DPYD: variants seen among roughly 807,000 people sequenced by gnomAD.
DPYD encodes dihydropyrimidine dehydrogenase.
Under a neutral mutation model 116.2 loss-of-function variants are expected in DPYD, and 109 were observed. The ratio of observed to expected loss-of-function variants is 0.94; its 90% CI spans 0.80 to 1.10. DPYD has a LOEUF of 1.10. Among genes scored for constraint, DPYD ranks in the 50% least tolerant of loss-of-function variants. The pLI is 0.00. For synonymous variants in DPYD, 440 were observed against 432.0 expected (o/e 1.02, Z -0.23); for missense variants, 1,302 against 1,254.5 (o/e 1.04, Z -0.57).
At chr1:97,780,890 T>C (rs1666704480) in intron 3 of DPYD, among the ~76,000 whole-genome samples, 1 of 152,160 alleles carries the variant, frequency 6.6e-6, no homozygotes, top group Non-Finnish European at 1.5e-5. Context: ...AAAGACAATA[T>C]CATATTTTTA....
At chr1:97,433,582 G>A (rs1675300187) in intron 14 of DPYD, among the ~76,000 whole-genome samples, 1 of 152,090 alleles carries the variant, frequency 6.6e-6, no homozygotes, top group Non-Finnish European at 1.5e-5. Context: ...GGTTATTAGG[G>A]TAGGAGTAAT....
chr1:97,101,471 A>G (rs1650683862), intron 20 of DPYD, among the ~76,000 whole-genome samples: 1 of 9,160 alleles, frequency 1.1e-4, no homozygotes. Context: ...TGATCTTGCA[A>G]AAAAAAAAAA....
At chr1:97,738,530 A>G (rs1192080676) in intron 4 of DPYD, among the ~76,000 whole-genome samples, 1 of 152,130 alleles carries the variant, frequency 6.6e-6, no homozygotes, top group Admixed American at 6.6e-5. Flanking sequence ...CTCAACCTGG[A>G]AAGAACACCC....
chr1:97,344,003 A>T (rs1570563762), intron 16 of DPYD, among the ~76,000 whole-genome samples: 1 of 151,898 alleles, frequency 6.6e-6, no homozygotes, highest in African/African-American at 2.4e-5. Flanking sequence ...CTTATTTTTT[A>T]AAAAATTACA....
At chr1:97,472,598 C>G (rs1677724699) in intron 13 of DPYD, among the ~76,000 whole-genome samples, 1 of 152,206 alleles carries the variant, frequency 6.6e-6, no homozygotes, top group Non-Finnish European at 1.5e-5. Flanking sequence ...TTGGGGAATA[C>G]AGTAAGCAGA....
intron 19 of DPYD, among the ~76,000 whole-genome samples, chr1:97,202,326 T>C (rs1461557377): frequency 6.6e-6 from 1 of 152,152 alleles, no homozygotes; most frequent in African/African-American, 2.4e-5. Flanking sequence ...TCTGAAACGA[T>C]AAATTCTCTG....
chr1:97,813,927 C>G lies in DPYD; in HGVS notation c.233+14187G>C, dbSNP rs1006090342. On this transcript the variant is annotated intron_variant, in intron 3 of 22. Coordinates refer to ENST00000370192, the MANE Select transcript of DPYD (RefSeq NM_000110.4). The stretch of plus-strand genomic sequence containing the variant: ...TAGGAAACACACAGACACACACACA[C>G]ACACACACACACACACACACACACA... 1.1e-4 allele frequency among the ~76,000 whole-genome samples: 16 copies of G among 151,288 alleles called. No individual in the cohort carries two copies. The East Asian group carries it at 2.5e-3, about 24-fold the overall frequency.
At chr1:97,112,755 A>T (rs1261208400) in intron 20 of DPYD, among the ~76,000 whole-genome samples, 1 of 152,144 alleles carries the variant, frequency 6.6e-6, no homozygotes, top group Non-Finnish European at 1.5e-5. Flanking sequence ...AAAAGAAATT[A>T]AAACATTGGC....
At position 97,230,720 on chromosome 1, in the gene DPYD, C is replaced by T. The variant is rs913747850; in HGVS notation, c.2442+4132G>A. Reference sequence around the variant, plus strand: ...TGAGAGCTAAAAGGCTGCAATGTGGCGTGGGTCTAAGGGTCATGACAGCCA... The same window carrying T: ...TGAGAGCTAAAAGGCTGCAATGTGGTGTGGGTCTAAGGGTCATGACAGCCA... On this transcript the variant is annotated intron_variant, in intron 19 of 22. Transcript: ENST00000370192. Among the ~76,000 whole-genome samples, 6 of 152,098 alleles carry T rather than the reference C, an allele frequency of 3.9e-5. No homozygotes were observed. The South Asian group carries it at 8.3e-4, about 21-fold the overall frequency.
chr1:97,260,089 A>T (rs1173985793), intron 18 of DPYD, among the ~76,000 whole-genome samples: 1 of 152,170 alleles, frequency 6.6e-6, no homozygotes, highest in Non-Finnish European at 1.5e-5. Flanking sequence ...GCTGTAGGTT[A>T]TAAGATTGCT....
chr1:97,759,214 G>T (rs1665438272), intron 3 of DPYD, among the ~76,000 whole-genome samples: 2 of 152,114 alleles, frequency 1.3e-5, no homozygotes, highest in South Asian at 4.1e-4. Flanking sequence ...TGCTGCATTG[G>T]TGTTCAGAAA....
chr1:97,842,140 A>C (rs1221484968), intron 2 of DPYD, among the ~76,000 whole-genome samples: 1 of 152,012 alleles, frequency 6.6e-6, no homozygotes, highest in South Asian at 2.1e-4. Context: ...TAAAATTCTT[A>C]AAAACTGACT....
rs1662809849 is a variant in DPYD, at chr1:97,719,590, GA to G, written c.483+1919del. Among the ~76,000 whole-genome samples, 4 of 151,764 alleles carry G rather than the reference GA, an allele frequency of 2.6e-5. No homozygotes were observed. The Admixed American group carries it at 2.6e-4, about 10-fold the overall frequency. On this transcript the variant is annotated intron_variant, in intron 5 of 22. Transcript: ENST00000370192. ...TTTCGCATTTTGTACTTTTTTCCGT[GA>G]ATATCAGTGAAAACGGAGTTACTCG...
chr1:97,167,057 A>C (rs1656378402), intron 20 of DPYD, among the ~76,000 whole-genome samples: 1 of 152,162 alleles, frequency 6.6e-6, no homozygotes, highest in Non-Finnish European at 1.5e-5. Flanking sequence ...TTAGATTTAT[A>C]AAAAATATGA....
chr1:97,648,920 C>A (rs574853878), intron 8 of DPYD, among the ~76,000 whole-genome samples: 1 of 152,134 alleles, frequency 6.6e-6, no homozygotes, highest in Admixed American at 6.6e-5. Flanking sequence ...AGAAGATCCT[C>A]TATAGACCCT....
chr1:97,185,761 G>A (rs890434677), intron 20 of DPYD, among the ~76,000 whole-genome samples: 5 of 152,084 alleles, frequency 3.3e-5, no homozygotes, highest in Non-Finnish European at 7.4e-5. Flanking sequence ...TAAAAAACAT[G>A]AACAAACTAA....
rs552555286 is a variant in DPYD at position 97,704,417 on chromosome 1, A to C, written c.484-4870T>G. Reference sequence around the variant, plus strand: ...AAACTGCCAATGAATAGATTGTGTAAGTTAAAAAAAAGAGGGTTAACTTAA... The same window carrying C: ...AAACTGCCAATGAATAGATTGTGTACGTTAAAAAAAAGAGGGTTAACTTAA... On this transcript the variant is annotated intron_variant, in intron 5 of 22. Transcript: ENST00000370192. Among the ~76,000 whole-genome samples, 69 of 152,164 alleles carry C rather than the reference A, an allele frequency of 4.5e-4. 2 individuals carry two copies. The highest frequency in any genetic ancestry group is 3.8e-3 in the Admixed American group (58 of 15,256).
chr1:97,381,320 G>A (rs1349538275), intron 15 of DPYD, among the ~76,000 whole-genome samples: 1 of 152,008 alleles, frequency 6.6e-6, no homozygotes, highest in Non-Finnish European at 1.5e-5. Context: ...AAAAATTAAT[G>A]TCTAATATTG....
At chr1:97,826,032 C>CTGTGTGTG (rs138055564) in intron 3 of DPYD, among the ~76,000 whole-genome samples, 30 of 151,292 alleles carry the variant, frequency 2.0e-4, no homozygotes, top group African/African-American at 5.8e-4. Context: ...TAATGTGTGT[C>CTGTGTGTG]TGTGTGTGTG....
Sources: gnomAD v4.1 joint callset for allele counts (sites outside exome capture counted in the v4.1 genomes callset) on GRCh38, gnomAD v4.1.1 for gene constraint, MANE v1.5 for transcripts, NCBI Gene and HGNC (gene_info 2026-07-23, HGNC 2026-07-21) for gene names.